CHD4: variants seen among roughly 807,000 people sequenced by gnomAD.
CHD4 encodes the protein ATP-dependent chromatin remodeler CHD4.
Under a neutral mutation model 235.5 loss-of-function variants are expected in CHD4, and 35 were observed. That is an observed-to-expected ratio of 0.15 (90% CI 0.11 to 0.20). The LOEUF (loss-of-function observed/expected upper bound fraction) is 0.20. CHD4 is among the 10% of genes least tolerant of loss of function. The pLI, the probability that CHD4 is intolerant of heterozygous loss-of-function variation, is 1.00. For synonymous variants in CHD4, 900 were observed against 850.2 expected, an observed-to-expected ratio of 1.06 and a Z score of -1.02; for missense variants, 1,329 against 2,432.3, an observed-to-expected ratio of 0.55 and a Z score of 9.54.
intron 15 of CHD4, 30 bp downstream of exon 15, chr12:6,594,428 AC>A: frequency 6.4e-7 from 1 of 1,571,492 alleles, no homozygotes. Context: ...AAACACCCAC[AC>A]AAAAAACTAT....
Position 6,600,514 on chromosome 12 carries a change from T to C in CHD4, c.1063+20A>G, listed in dbSNP as rs747080093. 132 of 1,412,128 alleles carry C rather than the reference T, an allele frequency of 9.3e-5. No individual in the cohort carries two copies. Among genetic ancestry groups the C allele is most frequent in the Middle Eastern group, 5.9e-4 (3 of 5,114 alleles). 87.5% of individuals were successfully genotyped at this position (1,412,128 alleles called of 1,614,324 possible). On this transcript the variant is annotated intron_variant, in intron 8 of 39. Transcript: ENST00000544040. Reference sequence around the variant, plus strand: ...CACTCCCACCTCATCCCATCACAAATATACAGAAGAGAAACACACCTTTCT... The same window carrying C: ...CACTCCCACCTCATCCCATCACAAACATACAGAAGAGAAACACACCTTTCT...
At chr12:6,606,682 C>G (rs1948706797) in intron 1 of CHD4, 4 of 266,270 alleles carry the variant, frequency 1.5e-5, no homozygotes, top group Non-Finnish European at 2.8e-5. Context: ...CTGGTGCAAG[C>G]GCGGGGAGGG....
chr12:6,582,024 A>G, intron 30 of CHD4, 113 bp downstream of exon 30: 1 of 1,262,836 alleles, frequency 7.9e-7, no homozygotes, highest in South Asian at 1.7e-5. Flanking sequence ...GCTAGTCTCT[A>G]ACTCCTGACC....
Position 6,570,333 on chromosome 12 carries a change from C to A in CHD4, c.*343G>T. On this transcript the variant is annotated 3_prime_UTR_variant, in exon 40 of 40. Coordinates refer to ENST00000544040, the MANE Select transcript of CHD4 (RefSeq NM_001273.5). ...ACAAAATAAACCAACAAAATAAAAC[C>A]AAAAGGAGGAAAAAATTCAGATCAT... 1 of 332,706 alleles carries A rather than the reference C, an allele frequency of 3.0e-6. No individual in the cohort carries two copies. The highest frequency in any genetic ancestry group is 4.5e-5 in the Admixed American group (1 of 22,024). 20.6% of individuals were successfully genotyped at this position (332,706 alleles called of 1,614,324 possible).
rs747562292 is a variant in CHD4, at chr12:6,583,481, G to T, written c.3880-103C>A. ...CTCTGCTAGCTCCTTTTCATGACTG[G>T]ACTCTTAAATACTTGGTGTGCCTGT... On this transcript the variant is annotated intron_variant, in intron 25 of 39. Transcript: ENST00000544040. 4 of 1,013,342 alleles carry T rather than the reference G, an allele frequency of 3.9e-6. No homozygotes were observed. The Middle Eastern group carries it at 1.0e-3, about 265-fold the overall frequency. The allele number at this position is 1,013,342 out of a possible 1,614,324, so 62.8% of individuals were successfully genotyped here.
At chr12:6,577,092 G>A (rs1047014971) in intron 37 of CHD4, among the ~76,000 whole-genome samples, 8 of 152,074 alleles carry the variant, frequency 5.3e-5, no homozygotes, top group South Asian at 2.1e-4. Flanking sequence ...GTGAGCCACC[G>A]CACCTGGCCC....
At chr12:6,596,725 G>C (rs374889109) in intron 12 of CHD4, among the ~76,000 whole-genome samples, 1 of 151,832 alleles carries the variant, frequency 6.6e-6, no homozygotes, top group Non-Finnish European at 1.5e-5. Flanking sequence ...GCTTGAACCC[G>C]GGCGGCGGAG....
At chr12:6,578,952 A>C in intron 33 of CHD4, 35 bp from the exon 34 acceptor site, 1 of 1,582,212 alleles carries the variant, frequency 6.3e-7, no homozygotes, top group Non-Finnish European at 8.7e-7. Context: ...CTATACCTAA[A>C]GGAAGAACAT....
rs940372793 is a variant in CHD4, at chr12:6,601,011, G to A, written c.842C>T (p.Pro281Leu). Residue 281 changes from proline to leucine, a missense_variant, in exon 7 of 40, where the codon CCT becomes CTT. By Grantham distance (98) the Pro-to-Leu change is moderately conservative. Coordinates refer to ENST00000544040, the MANE Select transcript of CHD4 (RefSeq NM_001273.5). ...RRKPKGSPRV[P>L]DAKKPKPKKV... ...CTTGGGTTTAGGCTTCTTGGCATCA[G>A]GTACACGAGGGCTGCCCTTGGGCTT... 2 of 1,603,342 alleles carry A rather than the reference G, an allele frequency of 1.2e-6. No individual in the cohort carries two copies. Among genetic ancestry groups the A allele is most frequent in the Non-Finnish European group, 1.7e-6 (2 of 1,176,424 alleles).
rs987406577 is a variant in CHD4 at position 6,593,630 on chromosome 12, G to C, written c.2314-14C>G. On this transcript the variant is annotated splice_polypyrimidine_tract_variant and intron_variant, in intron 15 of 39. Coordinates refer to ENST00000544040, the MANE Select transcript of CHD4 (RefSeq NM_001273.5). This position sits in a 1 kb window ranked among gnomAD's most constrained non-coding sequence, Gnocchi z 4.9. ...TTTGGAATGACCCTTTGAGAAAAAA[G>C]AGGAGAGTCAGGACTGAGGGCCCCA... 6 of 1,613,518 alleles carry C rather than the reference G, an allele frequency of 3.7e-6. No individual in the cohort carries two copies. Among genetic ancestry groups the C allele is most frequent in the South Asian group, 3.3e-5 (3 of 91,066 alleles).
At position 6,581,068 on chromosome 12, in the gene CHD4, C is replaced by G; in HGVS notation, c.4885G>C (p.Glu1629Gln). 6.2e-7 allele frequency: 1 copy of G among 1,614,086 alleles called. No homozygotes were observed. The highest frequency in any genetic ancestry group is 1.1e-5 in the South Asian group (1 of 91,086). Residue 1629 changes from glutamate (E) to glutamine (Q), a missense_variant, in exon 33 of 40, where the codon GAA becomes CAA. Coordinates refer to ENST00000544040, the MANE Select transcript of CHD4 (RefSeq NM_001273.5). ...CCTTTGGGCTCTGTCTCCATAGGTT[C>G]CTCTGTTCTCTCCTTCACCTCTGCC... ...EKAEVKERTE[E>Q]PMETEPKGAA...
At chr12:6,583,425 C>G in intron 25 of CHD4, 47 bp from the exon 26 acceptor site, 1 of 1,514,052 alleles carries the variant, frequency 6.6e-7, no homozygotes, top group South Asian at 1.2e-5. Flanking sequence ...AAGTCAGCAC[C>G]ACCAGCTACC....
intron 25 of CHD4, among the ~76,000 whole-genome samples, chr12:6,586,588 A>G (rs1452276828): frequency 2.0e-5 from 3 of 152,144 alleles, no homozygotes; most frequent in Admixed American, 2.0e-4. Flanking sequence ...CAGGTGTGGT[A>G]GCACACATCT....
chr12:6,595,455 C>T (rs1948472080), intron 13 of CHD4, 25 bp from the exon 14 acceptor site: 3 of 1,599,640 alleles, frequency 1.9e-6, no homozygotes, highest in Admixed American at 1.7e-5. Flanking sequence ...CATCACACAG[C>T]TGCCCAAAAT....
chr12:6,602,250 G>A, intron 3 of CHD4, 75 bp from the exon 4 acceptor site: 2 of 1,597,102 alleles, frequency 1.3e-6, no homozygotes, highest in Non-Finnish European at 1.7e-6. Context: ...GGACAGCCCT[G>A]AGGCTCATCC....
At position 6,601,459 on chromosome 12, in the gene CHD4, C is replaced by T; in HGVS notation, c.629G>A (p.Arg210Gln). 2 of 1,614,130 alleles carry T rather than the reference C, an allele frequency of 1.2e-6. No homozygotes were observed. The highest frequency in any genetic ancestry group is 1.7e-6 in the Non-Finnish European group (2 of 1,180,034). Residue 210 changes from arginine (R) to glutamine (Q), a missense_variant, in exon 6 of 40, where the codon CGG becomes CAG. By Grantham distance (43) the Arg-to-Gln change is conservative. This residue lies in a region of CHD4 where 39 missense variants were observed against 86.6 expected (regional missense o/e 0.45). Coordinates refer to ENST00000544040, the MANE Select transcript of CHD4 (RefSeq NM_001273.5). Reference protein sequence around the residue: ...KMMMVLGAKWREFSTNNPFKG... With the variant: ...KMMMVLGAKWQEFSTNNPFKG... Reference sequence around the variant, plus strand: ...GAAGGGGTTATTGGTACTGAACTCCCGCCATTTTGCACCCAAAACCATCAT... The same window carrying T: ...GAAGGGGTTATTGGTACTGAACTCCTGCCATTTTGCACCCAAAACCATCAT...
At position 6,596,131 on chromosome 12, in the gene CHD4, G is replaced by A; in HGVS notation, c.1899C>T (p.Asp633=). 1 of 1,613,538 alleles carries A rather than the reference G, an allele frequency of 6.2e-7. No individual in the cohort carries two copies. The highest frequency in any genetic ancestry group is 8.5e-7 in the Non-Finnish European group (1 of 1,179,822). ...TCAAGTAGTGGACGTGGCCCTTCTT[G>A]TCCACACTGCAAGTCCAGGAGAGAA... ...MIHRILNHSV[D]KKGHVHYLIK... The change falls in exon 13 of 40, where the codon GAC becomes GAT. Residue 633 remains aspartate (D), a synonymous_variant. Coordinates refer to ENST00000544040, the MANE Select transcript of CHD4 (RefSeq NM_001273.5).
In CHD4 at chr12:6,602,040, GCTT is replaced by G. The variant is rs752143656; in HGVS notation, c.355_357del (p.Lys119del). 6.5e-5 allele frequency: 103 copies of G among 1,592,796 alleles called. No individual in the cohort carries two copies. The highest frequency in any genetic ancestry group is 3.4e-4 in the Middle Eastern group (2 of 5,964). ...CTCTTCTTCTCTTTCTTAGGTCCAAGCTTCTTCTTCTTCTTCTTGCCAGGAGTA... is the reference window on the plus strand; with the variant it reads ...CTCTTCTTCTCTTTCTTAGGTCCAAGCTTCTTCTTCTTCTTGCCAGGAGTA... On this transcript the variant is annotated inframe_deletion, in exon 4 of 40. Coordinates refer to ENST00000544040, the MANE Select transcript of CHD4 (RefSeq NM_001273.5).
chr12:6,573,257 C>A lies in CHD4; in HGVS notation c.5374G>T (p.Ala1792Ser), dbSNP rs1285427931. ...LARRFKLLEQ[A>S]LVIEEQLRRA... ...CGCAGCTGTTCCTCAATCACCAGAG[C>A]TTGTTCTAAGAGCTGGACAAGGGAT... Residue 1792 changes from alanine (A) to serine (S), a missense_variant, in exon 38 of 40, where the codon GCT becomes TCT. Coordinates refer to ENST00000544040, the MANE Select transcript of CHD4 (RefSeq NM_001273.5). 1 of 1,568,884 alleles carries A rather than the reference C, an allele frequency of 6.4e-7. No homozygotes were observed. The highest frequency in any genetic ancestry group is 1.4e-5 in the African/African-American group (1 of 71,836).
Sources: gnomAD v4.1 joint callset for allele counts (sites outside exome capture counted in the v4.1 genomes callset) on GRCh38, gnomAD v4.1.1 for gene constraint, gnomAD v4.1.1 regional missense constraint, Gnocchi (gnomAD v3.1) non-coding constraint, MANE v1.5 for transcripts, NCBI Gene and HGNC (gene_info 2026-07-23, HGNC 2026-07-21) for gene names.